SEMA5B: variants seen among roughly 807,000 people sequenced by gnomAD.
The protein encoded by SEMA5B is semaphorin 5B.
Under a neutral mutation model 135.0 loss-of-function variants are expected in SEMA5B, and 66 were observed. The ratio of observed to expected loss-of-function variants is 0.49; its 90% CI spans 0.40 to 0.60. SEMA5B has a LOEUF of 0.60. SEMA5B is among the 20% of genes least tolerant of loss of function. The pLI, the probability that SEMA5B is intolerant of heterozygous loss-of-function variation, is 0.00. For synonymous variants in SEMA5B, 690 were observed against 639.5 expected, an observed-to-expected ratio of 1.08 and a Z score of -1.19; for missense variants, 1,501 against 1,566.3, an observed-to-expected ratio of 0.96 and a Z score of 0.70.
chr3:123,012,047 A>G (rs1042485352), intron 1 of SEMA5B, among the ~76,000 whole-genome samples: 3 of 152,194 alleles, frequency 2.0e-5, no homozygotes, highest in African/African-American at 7.2e-5. Flanking sequence ...ACGTGGAAAG[A>G]GCACACTTTG....
rs201770626 is a variant in SEMA5B, at chr3:122,985,497, T to TA, written c.-38-24197dup. Among the ~76,000 whole-genome samples the TA allele has an allele frequency of 1.2e-3, 174 of 142,314 alleles. 1 individual carries two copies. The highest frequency in any genetic ancestry group is 4.7e-3 in the South Asian group (21 of 4,436). The allele number at this position is 142,314 out of a possible 152,430, so 93.4% of individuals were successfully genotyped here. A position where few individuals can be genotyped will look rare whatever the true frequency, so the allele number is the denominator to read the frequency against. On this transcript the variant is annotated intron_variant, in intron 1 of 22. Transcript: ENST00000357599. Reference sequence around the variant, plus strand: ...CCAGCCTGGGTGATACAGTGTCTCTTAAAAAAAAAAAAGAAAGAAAAAGAA... The same window carrying TA: ...CCAGCCTGGGTGATACAGTGTCTCTTAAAAAAAAAAAAAGAAAGAAAAAGAA...
chr3:122,962,265 T>A (rs185262608), intron 1 of SEMA5B, among the ~76,000 whole-genome samples: 257 of 152,350 alleles, frequency 1.7e-3, no homozygotes, highest in Admixed American at 3.3e-3. Flanking sequence ...ATTTCTGGCA[T>A]CCAGAGACTC....
rs1939453631 is a variant in SEMA5B at position 122,939,417 on chromosome 3, A to T, written c.474+8T>A. 6.2e-7 allele frequency: 1 copy of T among 1,606,814 alleles called. No individual in the cohort carries two copies. Among genetic ancestry groups the T allele is most frequent in the African/African-American group, 1.3e-5 (1 of 74,770 alleles). ...TTATAGGAAGGGAAGGGAAGAAAGCAATCGTACCTGAAGAAGAGAGACATT... is the reference window on the plus strand; with the variant it reads ...TTATAGGAAGGGAAGGGAAGAAAGCTATCGTACCTGAAGAAGAGAGACATT... On this transcript the variant is annotated splice_region_variant and intron_variant, in intron 5 of 22. Transcript: ENST00000357599.
chr3:122,943,395 G>A (rs200005964), intron 4 of SEMA5B, 41 bp downstream of exon 4: 1 of 1,389,184 alleles, frequency 7.2e-7, no homozygotes, highest in African/African-American at 1.4e-5. Context: ...CCAGCTCCAA[G>A]CCCCTGCACT....
At chr3:122,953,816 A>G (rs1490688906) in intron 2 of SEMA5B, among the ~76,000 whole-genome samples, 2 of 152,164 alleles carry the variant, frequency 1.3e-5, no homozygotes, top group South Asian at 4.1e-4. Flanking sequence ...AGAATTCCCT[A>G]TCTATGGAAA....
At position 122,913,924 on chromosome 3, in the gene SEMA5B, C is replaced by A; in HGVS notation, c.2066G>T (p.Arg689Leu). ...GCGGGGAGCAGGGTTGCTGCAACTTCGCTGGCGGACCTGGAAGCCGATGCC... is the reference window on the plus strand; with the variant it reads ...GCGGGGAGCAGGGTTGCTGCAACTTAGCTGGCGGACCTGGAAGCCGATGCC... ...SCGIGFQVRQ[R>L]SCSNPAPRHG... is the part of the protein sequence containing the mutation. Residue 689 changes from arginine (R) to leucine (L), a missense_variant, in exon 15 of 23, where the codon CGA becomes CTA. This residue lies in a region of SEMA5B where 927 missense variants were observed against 881.6 expected (regional missense o/e 1.05). Transcript: ENST00000357599. The A allele has an allele frequency of 6.2e-7, 1 of 1,612,692 alleles. No individual in the cohort carries two copies. Among genetic ancestry groups the A allele is most frequent in the East Asian group, 2.2e-5 (1 of 44,868 alleles).
intron 1 of SEMA5B, among the ~76,000 whole-genome samples, chr3:122,980,761 C>G (rs1052617881): frequency 6.6e-6 from 1 of 152,194 alleles, no homozygotes; most frequent in African/African-American, 2.4e-5. Context: ...CCATTCATCT[C>G]TAGCACCTAC....
chr3:122,933,023 A>G (rs148693027), intron 5 of SEMA5B, among the ~76,000 whole-genome samples: 2 of 152,144 alleles, frequency 1.3e-5, no homozygotes, highest in African/African-American at 2.4e-5. Context: ...CCTGGGCTCA[A>G]TATGATTTTC....
chr3:122,926,717 G>A (rs1938654045), intron 8 of SEMA5B, 40 bp from the exon 9 acceptor site: 2 of 1,595,404 alleles, frequency 1.3e-6, no homozygotes, highest in Non-Finnish European at 8.6e-7. Context: ...GGGCAGGCCA[G>A]CGGGGAAGAA....
chr3:123,025,163 A>C (rs1942769768), intron 1 of SEMA5B, among the ~76,000 whole-genome samples: 1 of 152,222 alleles, frequency 6.6e-6, no homozygotes, highest in African/African-American at 2.4e-5. Context: ...CTAGTCTGGC[A>C]CTAGAAGTGG....
chr3:122,991,898 G>A (rs923434638), intron 1 of SEMA5B, among the ~76,000 whole-genome samples: 2 of 152,122 alleles, frequency 1.3e-5, no homozygotes, highest in African/African-American at 4.8e-5. Flanking sequence ...AAACATGATC[G>A]CAGGCATGTT....
chr3:122,988,534 A>G (rs1330696940), intron 1 of SEMA5B, among the ~76,000 whole-genome samples: 2 of 152,246 alleles, frequency 1.3e-5, no homozygotes, highest in African/African-American at 4.8e-5. Flanking sequence ...GGGAGCACAC[A>G]GATTACAGAA....
intron 10 of SEMA5B, 106 bp downstream of exon 10, chr3:122,923,511 C>T (rs112065326): frequency 2.3e-5 from 29 of 1,271,946 alleles, no homozygotes; most frequent in African/African-American, 5.8e-5. Context: ...CTGGCAGGGA[C>T]GGGTCTGGTG....
At chr3:122,996,146 G>C (rs1261035526) in intron 1 of SEMA5B, among the ~76,000 whole-genome samples, 1 of 152,256 alleles carries the variant, frequency 6.6e-6, no homozygotes, top group Non-Finnish European at 1.5e-5. Flanking sequence ...CGAAGCCTAA[G>C]AGGGTCCCAA....
chr3:123,013,416 A>G (rs1271295734), intron 1 of SEMA5B, among the ~76,000 whole-genome samples: 1 of 152,232 alleles, frequency 6.6e-6, no homozygotes, highest in Non-Finnish European at 1.5e-5. Context: ...TTGAGGTCCC[A>G]GGTACTTTTC....
intron 1 of SEMA5B, among the ~76,000 whole-genome samples, chr3:122,990,491 G>A (rs903429160): frequency 2.0e-5 from 3 of 152,120 alleles, no homozygotes; most frequent in Non-Finnish European, 4.4e-5. Context: ...TCAACCAGGT[G>A]TAACTTTGCC....
At chr3:122,912,382 C>T (rs939890572) in intron 18 of SEMA5B, 40 bp from the exon 19 acceptor site, 3 of 1,509,976 alleles carry the variant, frequency 2.0e-6, no homozygotes, top group East Asian at 2.4e-5. Context: ...GTAGGGGCAG[C>T]CAGGGCCCAA....
chr3:122,912,122 A>G (rs1233017539), intron 19 of SEMA5B, 50 bp downstream of exon 19: 1 of 1,587,812 alleles, frequency 6.3e-7, no homozygotes, highest in Non-Finnish European at 8.6e-7. Context: ...CCTGGTGGGG[A>G]TCAGAGGGCT....
At chr3:122,930,581 G>A (rs932586892) in intron 5 of SEMA5B, among the ~76,000 whole-genome samples, 3 of 152,238 alleles carry the variant, frequency 2.0e-5, no homozygotes, top group African/African-American at 7.2e-5. Context: ...GGGCGGCTCT[G>A]CGAGGACCGC....
Sources: gnomAD v4.1 joint callset for allele counts (sites outside exome capture counted in the v4.1 genomes callset) on GRCh38, gnomAD v4.1.1 for gene constraint, gnomAD v4.1.1 regional missense constraint, MANE v1.5 for transcripts, NCBI Gene and HGNC (gene_info 2026-07-23, HGNC 2026-07-21) for gene names.